CCSER1: variants seen among roughly 807,000 people sequenced by gnomAD.
CCSER1 encodes the protein serine-rich coiled-coil domain-containing protein 1.
In CCSER1, 41 loss-of-function variants were observed where a neutral mutation model predicts 82.0. That is an observed-to-expected ratio of 0.50 (90% CI 0.39 to 0.65). The LOEUF is 0.65. Ranked by LOEUF, CCSER1 falls within the 30% of genes least tolerant of loss-of-function variation. The pLI, the probability that CCSER1 is intolerant of heterozygous loss-of-function variation, is 0.00. For missense variants in CCSER1, 1,119 were observed against 1,064.2 expected (o/e 1.05, Z -0.72); for synonymous variants, 414 against 383.9 (o/e 1.08, Z -0.92).
At chr4:90,715,497 A>G (rs988922209) in intron 6 of CCSER1, among the ~76,000 whole-genome samples, 1 of 152,034 alleles carries the variant, frequency 6.6e-6, no homozygotes, top group African/African-American at 2.4e-5. Flanking sequence ...ATTGTATCAC[A>G]AGATCAGAGT....
intron 8 of CCSER1, among the ~76,000 whole-genome samples, chr4:90,818,279 CT>C (rs1251264832): frequency 0.027 from 3,592 of 132,690 alleles, 112 homozygotes; most frequent in African/African-American, 0.083. Flanking sequence ...TCTTTTTTTT[CT>C]TTTTTTTTTT....
In CCSER1 at chr4:90,309,032, G is replaced by C. The variant is rs1734838673; in HGVS notation, c.748G>C (p.Asp250His). The change falls in exon 2 of 11, where the codon GAT becomes CAT. Residue 250 changes from aspartate to histidine, a missense_variant. Transcript: ENST00000509176. Reference protein sequence around the residue: ...SSLQSPLLSADLTTAQTPSEF... With the variant: ...SSLQSPLLSAHLTTAQTPSEF... ...TTTACAATCTCCTTTGCTTTCTGCT[G>C]ATCTTACCACAGCTCAGACACCTTC... 6.2e-7 allele frequency: 1 copy of C among 1,613,828 alleles called. No individual in the cohort carries two copies. Among genetic ancestry groups the C allele is most frequent in the East Asian group, 2.2e-5 (1 of 44,868 alleles).
chr4:90,816,737 C>T (rs887308776), intron 8 of CCSER1, among the ~76,000 whole-genome samples: 2 of 152,062 alleles, frequency 1.3e-5, no homozygotes, highest in African/African-American at 4.8e-5. Context: ...TTATTTCAGA[C>T]TCACAATAGT....
chr4:90,644,242 T>TCTAA (rs775859070), intron 6 of CCSER1, among the ~76,000 whole-genome samples: 3 of 152,178 alleles, frequency 2.0e-5, no homozygotes, highest in Non-Finnish European at 4.4e-5. Context: ...GGGACACAAG[T>TCTAA]CTAAACACAA....
chr4:90,354,558 A>G (rs914178305), intron 3 of CCSER1, among the ~76,000 whole-genome samples: 1 of 152,130 alleles, frequency 6.6e-6, no homozygotes, highest in Non-Finnish European at 1.5e-5. Flanking sequence ...CTCATTTCAC[A>G]GTGTGTATGT....
intron 10 of CCSER1, among the ~76,000 whole-genome samples, chr4:91,362,454 G>T (rs957263496): frequency 1.3e-5 from 2 of 151,654 alleles, no homozygotes; most frequent in Non-Finnish European, 2.9e-5. Flanking sequence ...GACTTTTTTT[G>T]AGCACAGCCA....
chr4:90,827,394 T>C (rs569336273), intron 8 of CCSER1, among the ~76,000 whole-genome samples: 29 of 152,148 alleles, frequency 1.9e-4, no homozygotes, highest in Non-Finnish European at 3.2e-4. Flanking sequence ...ACCACAGACA[T>C]CCTGTTCTTA....
chr4:90,309,276 G>A lies in CCSER1; in HGVS notation c.992G>A (p.Ser331Asn), dbSNP rs756562351. 6.2e-7 allele frequency: 1 copy of A among 1,613,822 alleles called. No individual in the cohort carries two copies. The highest frequency in any genetic ancestry group is 1.1e-5 in the South Asian group (1 of 91,074). ...AAATATAGGTTAGAGGGTCAATGTAGCACTGAATCTAATTCATTACCGGAA... is the reference window on the plus strand; with the variant it reads ...AAATATAGGTTAGAGGGTCAATGTAACACTGAATCTAATTCATTACCGGAA... ...PGKYRLEGQC[S>N]TESNSLPETS... Residue 331 changes from serine (S) to asparagine (N), a missense_variant, in exon 2 of 11, where the codon AGC becomes AAC. Physicochemically the swap from Ser to Asn is conservative, Grantham distance 46 (BLOSUM62 1). Transcript: ENST00000509176.
intron 1 of CCSER1, among the ~76,000 whole-genome samples, chr4:90,227,911 C>T (rs965691937): frequency 1.2e-4 from 19 of 152,292 alleles, no homozygotes; most frequent in East Asian, 3.9e-4. Context: ...AGCGCTTTTC[C>T]GACGGGCTTA....
At chr4:90,702,004 C>A (rs945803240) in intron 6 of CCSER1, among the ~76,000 whole-genome samples, 1 of 152,102 alleles carries the variant, frequency 6.6e-6, no homozygotes, top group Non-Finnish European at 1.5e-5. Flanking sequence ...GAACTTCCAA[C>A]GCTACATTGA....
chr4:91,405,126 A>G (rs1481241905), intron 10 of CCSER1, among the ~76,000 whole-genome samples: 1 of 152,204 alleles, frequency 6.6e-6, no homozygotes, highest in Non-Finnish European at 1.5e-5. Context: ...TTCTTGTTGA[A>G]TTGATCCCTT....
chr4:90,381,004 G>T (rs977962930), intron 3 of CCSER1, among the ~76,000 whole-genome samples: 1 of 152,206 alleles, frequency 6.6e-6, no homozygotes, highest in Non-Finnish European at 1.5e-5. Context: ...ACCAGAGTTG[G>T]GCACTGATGG....
chr4:91,281,059 G>A (rs551291881), intron 10 of CCSER1, among the ~76,000 whole-genome samples: 1 of 152,222 alleles, frequency 6.6e-6, no homozygotes, highest in South Asian at 2.1e-4. Context: ...GCTCTTCTGT[G>A]GCTAGAATTG....
chr4:91,403,860 T>C lies in CCSER1; in HGVS notation c.2218-194712T>C, dbSNP rs575852425. Among the ~76,000 whole-genome samples the C allele has an allele frequency of 9.2e-5, 14 of 152,284 alleles. 1 individual carries two copies. In the South Asian group the frequency reaches 2.9e-3, roughly 32 times the overall value. On this transcript the variant is annotated intron_variant, in intron 10 of 10. Transcript: ENST00000509176. ...AGGGATATTGGTCTAAAATTCTCTT[T>C]TTTTGTTGTGTCTCTGCCAGACATT... is the stretch of plus-strand genomic sequence containing the variant.
At chr4:90,820,454 A>G (rs1310365478) in intron 8 of CCSER1, among the ~76,000 whole-genome samples, 1 of 152,174 alleles carries the variant, frequency 6.6e-6, no homozygotes, top group African/African-American at 2.4e-5. Flanking sequence ...AGCTGAGGGA[A>G]GGAATGCTTG....
intron 4 of CCSER1, among the ~76,000 whole-genome samples, chr4:90,427,729 C>T (rs776926930): frequency 1.3e-5 from 2 of 151,354 alleles, no homozygotes; most frequent in African/African-American, 4.8e-5. Flanking sequence ...TAAAATTCCA[C>T]GTGTATTTTA....
At chr4:91,567,187 G>T (rs563585390) in intron 10 of CCSER1, among the ~76,000 whole-genome samples, 212 of 152,112 alleles carry the variant, frequency 1.4e-3, no homozygotes, top group African/African-American at 4.8e-3. Flanking sequence ...GTAATCACAT[G>T]GTATTGAGCA....
chr4:90,394,974 A>G (rs1751751400), intron 3 of CCSER1, among the ~76,000 whole-genome samples: 1 of 152,200 alleles, frequency 6.6e-6, no homozygotes, highest in Non-Finnish European at 1.5e-5. Context: ...CAAGTATACA[A>G]CACATTATTA....
intron 10 of CCSER1, among the ~76,000 whole-genome samples, chr4:91,546,204 G>T (rs1761881285): frequency 6.6e-6 from 1 of 152,070 alleles, no homozygotes; most frequent in Non-Finnish European, 1.5e-5. Context: ...GGTTTGCATT[G>T]ATGTTTATGA....
Sources: gnomAD v4.1 joint callset for allele counts (sites outside exome capture counted in the v4.1 genomes callset) on GRCh38, gnomAD v4.1.1 for gene constraint, MANE v1.5 for transcripts, NCBI Gene and HGNC (gene_info 2026-07-23, HGNC 2026-07-21) for gene names.